The following BBS9 variants were observed in gnomAD, a reference collection of about 807,000 sequenced individuals.
The protein encoded by BBS9 is protein PTHB1.
A neutral mutation model predicts 117.7 loss-of-function variants in BBS9; 89 were observed. That is an observed-to-expected ratio of 0.76 (90% CI 0.64 to 0.90). BBS9 has a LOEUF of 0.90. Ranked by LOEUF, BBS9 falls within the 40% of genes least tolerant of loss-of-function variation. BBS9 has a pLI of 0.00. For synonymous variants in BBS9, 379 were observed against 370.9 expected (o/e 1.02, Z -0.25); for missense variants, 982 against 1,042.2 (o/e 0.94, Z 0.80).
intron 19 of BBS9, among the ~76,000 whole-genome samples, chr7:33,491,074 C>T (rs982760768): frequency 1.3e-5 from 2 of 152,044 alleles, no homozygotes; most frequent in East Asian, 1.9e-4. Flanking sequence ...GTAGGTCCTA[C>T]CTAGGAAGTA....
chr7:33,612,142 GT>G (rs35557134), intron 21 of BBS9, among the ~76,000 whole-genome samples: 61,970 of 151,466 alleles, frequency 0.41, 17,930 homozygotes, highest in African/African-American at 0.82. Context: ...ATCTCTAGTC[GT>G]TAAGTGAGGA....
intron 21 of BBS9, among the ~76,000 whole-genome samples, chr7:33,633,411 A>G (rs1381793764): frequency 3.3e-5 from 5 of 152,072 alleles, no homozygotes; most frequent in Admixed American, 6.5e-5. Flanking sequence ...TTTCTTGGGG[A>G]AAATCATATT....
At chr7:33,382,022 T>A (rs1222995172) in intron 17 of BBS9, among the ~76,000 whole-genome samples, 2 of 152,222 alleles carry the variant, frequency 1.3e-5, no homozygotes, top group Non-Finnish European at 2.9e-5. Flanking sequence ...ATCATGCTAC[T>A]CTAGCTAGAT....
intron 9 of BBS9, among the ~76,000 whole-genome samples, chr7:33,305,732 T>G (rs1166053060): frequency 2.0e-5 from 3 of 152,190 alleles, no homozygotes; most frequent in African/African-American, 7.2e-5. Context: ...TTTTAATTTA[T>G]GTATCATTGG....
At chr7:33,411,887 G>A (rs1424523098) in intron 19 of BBS9, among the ~76,000 whole-genome samples, 1 of 152,078 alleles carries the variant, frequency 6.6e-6, no homozygotes, top group Non-Finnish European at 1.5e-5. Context: ...ATAGCCTCAA[G>A]GAGCACGATG....
intron 9 of BBS9, among the ~76,000 whole-genome samples, chr7:33,316,371 C>G (rs571333849): frequency 6.6e-6 from 1 of 151,966 alleles, no homozygotes; most frequent in Non-Finnish European, 1.5e-5. Flanking sequence ...CTGTGTAAAT[C>G]TTTTTGTGGA....
intron 20 of BBS9, among the ~76,000 whole-genome samples, chr7:33,517,664 C>G (rs1847995888): frequency 6.6e-6 from 1 of 152,230 alleles, no homozygotes; most frequent in Non-Finnish European, 1.5e-5. Context: ...GGGCTTTTAT[C>G]TTTGTCTCAG....
rs372128284 is a variant in BBS9, at chr7:33,602,330, G to A, written c.2522-2535G>A. 5.3e-5 allele frequency among the ~76,000 whole-genome samples: 8 copies of A among 152,270 alleles called. No individual in the cohort carries two copies. The East Asian group carries it at 1.2e-3, about 22-fold the overall frequency. ...TCTTTTCTTTTCCTATGATGCACCC[G>A]CTGGGCAGGATGCCAGAGCCCACCA... On this transcript the variant is annotated intron_variant, in intron 21 of 22. Coordinates refer to ENST00000242067, the MANE Select transcript of BBS9 (RefSeq NM_198428.3).
At chr7:33,461,147 T>A (rs749758093) in intron 19 of BBS9, among the ~76,000 whole-genome samples, 4 of 152,150 alleles carry the variant, frequency 2.6e-5, no homozygotes, top group Middle Eastern at 3.4e-3. Context: ...TGATGGATAT[T>A]TGGGCTATTT....
intron 3 of BBS9, among the ~76,000 whole-genome samples, chr7:33,153,989 A>G (rs959529496): frequency 1.3e-5 from 2 of 152,214 alleles, no homozygotes; most frequent in Non-Finnish European, 2.9e-5. Context: ...ACAGCCAATA[A>G]TCATTCTGTA....
At chr7:33,306,601 G>C (rs1288968649) in intron 9 of BBS9, among the ~76,000 whole-genome samples, 1 of 152,104 alleles carries the variant, frequency 6.6e-6, no homozygotes. Context: ...TTAGTGAATT[G>C]ATATTGTATG....
intron 19 of BBS9, among the ~76,000 whole-genome samples, chr7:33,467,122 T>TG (rs751765019): frequency 1.2e-4 from 18 of 152,168 alleles, no homozygotes; most frequent in East Asian, 5.8e-4. Flanking sequence ...ACCTTTTCAG[T>TG]GGGGGCGGAG....
At chr7:33,166,765 C>T (rs1419314224) in intron 4 of BBS9, among the ~76,000 whole-genome samples, 7 of 152,232 alleles carry the variant, frequency 4.6e-5, no homozygotes, top group Admixed American at 3.3e-4. Flanking sequence ...AGGAGTGTCC[C>T]GTTTTTCCAC....
chr7:33,355,785 T>C (rs1301032998), intron 15 of BBS9, among the ~76,000 whole-genome samples: 2 of 151,922 alleles, frequency 1.3e-5, no homozygotes, highest in African/African-American at 4.8e-5. Context: ...TGAAAACATA[T>C]ACACTACCAG....
intron 21 of BBS9, among the ~76,000 whole-genome samples, chr7:33,600,902 G>C (rs1863696439): frequency 6.6e-6 from 1 of 152,140 alleles, no homozygotes; most frequent in African/African-American, 2.4e-5. Flanking sequence ...GTCTCTTCAG[G>C]GAGCCCTGGC....
At chr7:33,327,736 C>T (rs1584342055) in intron 9 of BBS9, among the ~76,000 whole-genome samples, 1 of 151,962 alleles carries the variant, frequency 6.6e-6, no homozygotes, top group Non-Finnish European at 1.5e-5. Context: ...TTCATGCATG[C>T]AGTAGTGTAC....
chr7:33,221,880 T>C (rs1790307203), intron 5 of BBS9, among the ~76,000 whole-genome samples: 1 of 151,646 alleles, frequency 6.6e-6, no homozygotes, highest in East Asian at 1.9e-4. Flanking sequence ...ATATGTGATA[T>C]GAAATGCTTA....
At chr7:33,528,023 A>G (rs1270670227) in intron 20 of BBS9, among the ~76,000 whole-genome samples, 1 of 152,230 alleles carries the variant, frequency 6.6e-6, no homozygotes, top group Non-Finnish European at 1.5e-5. Context: ...GATATAATCT[A>G]ATAAGTATTT....
At chr7:33,207,533 C>G (rs1583626993) in intron 5 of BBS9, among the ~76,000 whole-genome samples, 1 of 148,242 alleles carries the variant, frequency 6.7e-6, no homozygotes, top group Non-Finnish European at 1.5e-5. Flanking sequence ...TGTGACATGT[C>G]TTCTTTTTTT....
Sources: gnomAD v4.1 joint callset for allele counts (sites outside exome capture counted in the v4.1 genomes callset) on GRCh38, gnomAD v4.1.1 for gene constraint, MANE v1.5 for transcripts, NCBI Gene and HGNC (gene_info 2026-07-23, HGNC 2026-07-21) for gene names.